The following FHIT variants were observed in gnomAD, a reference collection of about 807,000 sequenced individuals.
The protein encoded by FHIT is bis(5'-adenosyl)-triphosphatase.
FHIT carries 19 observed loss-of-function variants against 17.9 expected under a neutral mutation model. That is an observed-to-expected ratio of 1.06 (90% CI 0.74 to 1.56). The LOEUF (loss-of-function observed/expected upper bound fraction) is 1.56. Among genes scored for constraint, FHIT ranks in the 40% most tolerant of loss-of-function variants. The pLI is 0.00. For synonymous variants in FHIT, 81 were observed against 69.7 expected (o/e 1.16, Z -0.81); for missense variants, 248 against 189.2 (o/e 1.31, Z -1.82).
intron 3 of FHIT, among the ~76,000 whole-genome samples, chr3:61,040,939 G>A (rs1049620560): frequency 5.3e-5 from 8 of 152,144 alleles, no homozygotes; most frequent in South Asian, 2.1e-4. Flanking sequence ...TAGCAGAGAT[G>A]GGGCTTCTTA....
intron 3 of FHIT, among the ~76,000 whole-genome samples, chr3:60,930,721 G>A (rs1299111785): frequency 6.6e-6 from 1 of 152,150 alleles, no homozygotes; most frequent in African/African-American, 2.4e-5. Context: ...AACAACAGGT[G>A]CTGGAGAGGA....
At chr3:60,351,667 A>C (rs2106946065) in intron 5 of FHIT, among the ~76,000 whole-genome samples, 1 of 152,348 alleles carries the variant, frequency 6.6e-6, no homozygotes, top group East Asian at 1.9e-4. Flanking sequence ...GGAAAGCAAG[A>C]TAAACATTCC....
In FHIT at chr3:61,033,017, G is replaced by C. The variant is rs75998366; in HGVS notation, c.-111+9030C>G. On this transcript the variant is annotated intron_variant, in intron 3 of 9. Coordinates refer to ENST00000492590, the MANE Select transcript of FHIT (RefSeq NM_002012.4). Reference sequence around the variant, plus strand: ...GGATATACCTGCTCAAACAGAGACAGTGAATTTGCCATTTCTGCACGTTTT... The same window carrying C: ...GGATATACCTGCTCAAACAGAGACACTGAATTTGCCATTTCTGCACGTTTT... 8.6e-3 allele frequency among the ~76,000 whole-genome samples: 1,317 copies of C among 152,322 alleles called. 24 individuals carry two copies. Among genetic ancestry groups the C allele is most frequent in the African/African-American group, 0.03 (1,230 of 41,566 alleles).
At chr3:60,864,787 T>C (rs1309546296) in intron 3 of FHIT, among the ~76,000 whole-genome samples, 3 of 152,120 alleles carry the variant, frequency 2.0e-5, no homozygotes, top group Non-Finnish European at 4.4e-5. Context: ...TGGACACTCT[T>C]AGGAACGCAG....
chr3:60,486,278 T>A lies in FHIT; in HGVS notation c.103+50582A>T, dbSNP rs1452638316. Among the ~76,000 whole-genome samples, 4 of 152,308 alleles carry A rather than the reference T, an allele frequency of 2.6e-5. No individual in the cohort carries two copies. In the South Asian group the frequency reaches 6.2e-4, roughly 24 times the overall value. ...AAAAATTTTATTTTGTTTTTGTTTTTTAATTAGAGGAAGAGAAAGATCAAG... is the reference window on the plus strand; with the variant it reads ...AAAAATTTTATTTTGTTTTTGTTTTATAATTAGAGGAAGAGAAAGATCAAG... On this transcript the variant is annotated intron_variant, in intron 5 of 9. Coordinates refer to ENST00000492590, the MANE Select transcript of FHIT (RefSeq NM_002012.4).
chr3:59,838,601 A>C (rs577083138), intron 8 of FHIT, among the ~76,000 whole-genome samples: 1 of 152,272 alleles, frequency 6.6e-6, no homozygotes, highest in South Asian at 2.1e-4. Context: ...TGGCAGGTTT[A>C]GAGGGCTTAG....
At chr3:59,902,921 TGA>T (rs917748502) in intron 8 of FHIT, among the ~76,000 whole-genome samples, 11 of 152,158 alleles carry the variant, frequency 7.2e-5, no homozygotes, top group Admixed American at 5.2e-4. Context: ...TGAAATTTGC[TGA>T]GAGAGTAGAT....
intron 5 of FHIT, among the ~76,000 whole-genome samples, chr3:60,278,419 G>C (rs1707272408): frequency 6.6e-6 from 1 of 152,136 alleles, no homozygotes; most frequent in African/African-American, 2.4e-5. Flanking sequence ...GACGAAAAAA[G>C]GGCTCAGAAC....
chr3:59,860,664 C>T (rs1702366397), intron 8 of FHIT, among the ~76,000 whole-genome samples: 2 of 152,076 alleles, frequency 1.3e-5, no homozygotes, highest in Non-Finnish European at 2.9e-5. Context: ...CAGTGTGTAT[C>T]AGTATGTTTG....
intron 5 of FHIT, among the ~76,000 whole-genome samples, chr3:60,304,916 C>T (rs1239097769): frequency 6.6e-6 from 1 of 152,050 alleles, no homozygotes; most frequent in Non-Finnish European, 1.5e-5. Context: ...AAATAAAATG[C>T]CAAGAAGATT....
intron 3 of FHIT, among the ~76,000 whole-genome samples, chr3:60,890,012 A>G (rs1471256478): frequency 2.0e-5 from 3 of 152,162 alleles, no homozygotes; most frequent in African/African-American, 7.2e-5. Flanking sequence ...AGAGTTTATG[A>G]ACATCCAAAT....
chr3:59,799,191 T>G (rs1299386445), intron 8 of FHIT, among the ~76,000 whole-genome samples: 1 of 152,220 alleles, frequency 6.6e-6, no homozygotes, highest in Non-Finnish European at 1.5e-5. Flanking sequence ...GTACATAGAC[T>G]TACATATGTG....
intron 8 of FHIT, among the ~76,000 whole-genome samples, chr3:59,776,527 G>A (rs1413785053): frequency 6.6e-6 from 1 of 152,178 alleles, no homozygotes; most frequent in Non-Finnish European, 1.5e-5. Context: ...AGACAGTGAT[G>A]GGCCATCCAG....
intron 5 of FHIT, among the ~76,000 whole-genome samples, chr3:60,295,286 T>C (rs1172420491): frequency 6.6e-6 from 1 of 152,056 alleles, no homozygotes; most frequent in East Asian, 1.9e-4. Context: ...AAGGAAGACC[T>C]GAAACTGGGT....
intron 7 of FHIT, among the ~76,000 whole-genome samples, chr3:60,003,991 G>A (rs1279170393): frequency 6.6e-6 from 1 of 151,800 alleles, no homozygotes; most frequent in Admixed American, 6.6e-5. Flanking sequence ...TCCTAGGCTT[G>A]AAACACCCAT....
At chr3:60,021,708 G>T (rs1700558681) in intron 5 of FHIT, among the ~76,000 whole-genome samples, 1 of 152,122 alleles carries the variant, frequency 6.6e-6, no homozygotes, top group Non-Finnish European at 1.5e-5. Flanking sequence ...GCATAACCAA[G>T]GTCACGTAGC....
chr3:59,834,774 G>C (rs1305710503), intron 8 of FHIT, among the ~76,000 whole-genome samples: 1 of 152,034 alleles, frequency 6.6e-6, no homozygotes, highest in African/African-American at 2.4e-5. Flanking sequence ...AATTTTGAAG[G>C]ACACAAACAT....
chr3:60,514,565 G>C (rs772502718), intron 5 of FHIT, among the ~76,000 whole-genome samples: 1 of 152,142 alleles, frequency 6.6e-6, no homozygotes, highest in Non-Finnish European at 1.5e-5. Context: ...GTGACGGGTT[G>C]GTAGATGCAG....
intron 3 of FHIT, among the ~76,000 whole-genome samples, chr3:60,949,888 C>T (rs1240994558): frequency 2.0e-5 from 3 of 152,082 alleles, no homozygotes; most frequent in African/African-American, 4.8e-5. Flanking sequence ...TCTTAAATTT[C>T]CAAGCAAAAG....
Sources: gnomAD v4.1 joint callset for allele counts (sites outside exome capture counted in the v4.1 genomes callset) on GRCh38, gnomAD v4.1.1 for gene constraint, MANE v1.5 for transcripts, NCBI Gene and HGNC (gene_info 2026-07-23, HGNC 2026-07-21) for gene names.